ANO1: variants seen among roughly 807,000 people sequenced by gnomAD.
ANO1 encodes the protein anoctamin-1.
In ANO1, 59 loss-of-function variants were observed where a neutral mutation model predicts 124.0. The observed-to-expected ratio is 0.48, with a 90% CI of 0.39 to 0.59. The LOEUF (loss-of-function observed/expected upper bound fraction) is 0.59. Among genes scored for constraint, ANO1 ranks in the 20% least tolerant of loss-of-function variants. ANO1 has a pLI of 0.00. For synonymous variants in ANO1, 529 were observed against 532.0 expected, an observed-to-expected ratio of 0.99 and a Z score of 0.08; for missense variants, 1,059 against 1,328.0, an observed-to-expected ratio of 0.80 and a Z score of 3.15.
upstream of ANO1, among the ~76,000 whole-genome samples, chr11:70,073,817 G>C (rs61886443): frequency 0.28 from 42,857 of 150,518 alleles, 7,622 homozygotes; most frequent in East Asian, 0.44. Context: ...GATTCTGTTG[G>C]AGGAAAAAAA....
intron 1 of ANO1, among the ~76,000 whole-genome samples, chr11:70,047,009 G>A (rs1284367830): frequency 4.0e-5 from 6 of 149,286 alleles, no homozygotes; most frequent in African/African-American, 1.5e-4. Flanking sequence ...GAGCCCAGAA[G>A]ATGGAGGTTG....
intron 21 of ANO1, among the ~76,000 whole-genome samples, chr11:70,168,031 G>C (rs970605292): frequency 6.6e-6 from 1 of 152,136 alleles, no homozygotes; most frequent in African/African-American, 2.4e-5. Context: ...CCCAGGGATC[G>C]AGCCTTACCC....
intron 11 of ANO1, among the ~76,000 whole-genome samples, chr11:70,142,533 C>T (rs943732140): frequency 3.3e-5 from 5 of 152,156 alleles, no homozygotes; most frequent in Admixed American, 6.5e-5. Flanking sequence ...GCCCCCGCCC[C>T]GCCACTCCCC....
intron 1 of ANO1, among the ~76,000 whole-genome samples, chr11:70,004,663 G>A (rs1395776510): frequency 6.6e-6 from 1 of 152,216 alleles, no homozygotes; most frequent in South Asian, 2.1e-4. Flanking sequence ...AAATATCGTG[G>A]AGCAATGGAG....
chr11:70,148,816 C>G (rs888325101), intron 11 of ANO1, among the ~76,000 whole-genome samples: 2 of 152,222 alleles, frequency 1.3e-5, no homozygotes, highest in African/African-American at 4.8e-5. Context: ...CCATCCCTGC[C>G]TCACATACAA....
intron 8 of ANO1, among the ~76,000 whole-genome samples, chr11:70,122,645 T>C (rs1214192358): frequency 6.6e-6 from 1 of 151,254 alleles, no homozygotes; most frequent in East Asian, 1.9e-4. Flanking sequence ...CTTCTCTCTC[T>C]CTGTCTCTGT....
rs1591031734 is a variant in ANO1 at position 70,010,148 on chromosome 11, T to TGCGCAC, written c.58+23983_58+23984insCGCACG. 6.4e-4 allele frequency among the ~76,000 whole-genome samples: 39 copies of TGCGCAC among 60,884 alleles called. 1 individual carries two copies. Among genetic ancestry groups the TGCGCAC allele is most frequent in the African/African-American group, 1.9e-3 (36 of 19,238 alleles). The allele number at this position is 60,884 out of a possible 152,430, so 39.9% of individuals were successfully genotyped here. ...TAGTATTCCATGGTGTGTGTGTGTG[T>TGCGCAC]GTGTGTGTGTGTGTGTGCGCGTGTG... On this transcript the variant is annotated intron_variant, in intron 1 of 27. Transcript: ENST00000531349.
At chr11:70,124,896 A>G (rs894896632) in intron 9 of ANO1, among the ~76,000 whole-genome samples, 1 of 152,134 alleles carries the variant, frequency 6.6e-6, no homozygotes, top group Non-Finnish European at 1.5e-5. Context: ...ATGAGGAGCA[A>G]TTGGTTTTCT....
intron 11 of ANO1, among the ~76,000 whole-genome samples, chr11:70,146,174 G>C (rs12292506): frequency 0.01 from 1,594 of 152,230 alleles, 29 homozygotes; most frequent in African/African-American, 0.037. Context: ...GAAGACTCTG[G>C]AGTCAAAGAG....
At chr11:70,149,488 T>A in intron 11 of ANO1, 3 of 498,072 alleles carry the variant, frequency 6.0e-6, no homozygotes, top group Admixed American at 6.5e-5. Context: ...CTGTCTCTAC[T>A]AAAAATACAA....
chr11:70,130,710 G>A (rs973471494), intron 10 of ANO1, among the ~76,000 whole-genome samples: 1 of 152,228 alleles, frequency 6.6e-6, no homozygotes, highest in African/African-American at 2.4e-5. Flanking sequence ...TCTGGCCCCA[G>A]GCTCACCTGT....
intron 19 of ANO1, among the ~76,000 whole-genome samples, chr11:70,163,756 G>A (rs1461565963): frequency 6.6e-6 from 1 of 152,032 alleles, no homozygotes; most frequent in Non-Finnish European, 1.5e-5. Context: ...GGCCAACATG[G>A]TGAAACCCCA....
At chr11:70,160,980 C>T (rs979020493) in intron 16 of ANO1, among the ~76,000 whole-genome samples, 181 bp from the exon 17 acceptor site, 1 of 152,242 alleles carries the variant, frequency 6.6e-6, no homozygotes, top group Admixed American at 6.5e-5. Flanking sequence ...CCATCTGTCT[C>T]TGGTGGGTTA....
intron 1 of ANO1, among the ~76,000 whole-genome samples, chr11:70,032,706 C>A (rs72939631): frequency 0.1 from 15,507 of 152,168 alleles, 964 homozygotes; most frequent in Non-Finnish European, 0.14. Context: ...AGGGTCCTTG[C>A]GCTGATTTAA....
chr11:70,073,153 C>T (rs1388294414), intron 1 of ANO1, among the ~76,000 whole-genome samples: 2 of 152,200 alleles, frequency 1.3e-5, no homozygotes, highest in Non-Finnish European at 2.9e-5. Flanking sequence ...GAACCAGTGG[C>T]AGGCAGCTAG....
At chr11:70,003,128 A>G (rs34879555) in intron 1 of ANO1, among the ~76,000 whole-genome samples, 35,999 of 152,028 alleles carry the variant, frequency 0.24, 4,437 homozygotes, top group African/African-American at 0.29. Flanking sequence ...TGTTTTTATC[A>G]CTCTAAAATA....
intron 1 of ANO1, among the ~76,000 whole-genome samples, chr11:70,028,169 CTT>C (rs1200898510): frequency 2.0e-5 from 3 of 152,222 alleles, no homozygotes; most frequent in Non-Finnish European, 4.4e-5. Context: ...CCCGAAGTGT[CTT>C]TAAAGATGAG....
chr11:70,033,733 A>G (rs1555004060), intron 1 of ANO1, among the ~76,000 whole-genome samples: 2 of 152,082 alleles, frequency 1.3e-5, no homozygotes, highest in South Asian at 2.1e-4. Flanking sequence ...ATTTGTATAA[A>G]TCAGACTTTA....
chr11:70,091,455 G>T (rs964769310), intron 2 of ANO1, among the ~76,000 whole-genome samples: 1 of 152,124 alleles, frequency 6.6e-6, no homozygotes, highest in Non-Finnish European at 1.5e-5. Flanking sequence ...CTGGCCAGTA[G>T]CACCTCCCTC....
Sources: allele counts gnomAD v4.1 joint callset (sites outside exome capture counted in the v4.1 genomes callset), GRCh38; gene constraint gnomAD v4.1.1; transcripts MANE v1.5; gene names NCBI Gene and HGNC (gene_info 2026-07-23, HGNC 2026-07-21).